The following IL1RAPL2 variants were observed in gnomAD, a reference collection of about 807,000 sequenced individuals.
IL1RAPL2 encodes the protein interleukin 1 receptor accessory protein like 2.
Under a neutral mutation model 44.1 loss-of-function variants are expected in IL1RAPL2, and 3 were observed. The observed-to-expected ratio is 0.07, with a 90% CI of 0.03 to 0.18. The LOEUF is 0.18. Ranked by LOEUF, IL1RAPL2 falls within the 10% of genes least tolerant of loss-of-function variation. IL1RAPL2 has a pLI of 1.00. For synonymous variants in IL1RAPL2, 181 were observed against 178.8 expected, an observed-to-expected ratio of 1.01 and a Z score of -0.10; for missense variants, 391 against 496.4, an observed-to-expected ratio of 0.79 and a Z score of 2.02.
intron 2 of IL1RAPL2, among the ~76,000 whole-genome samples, chrX:104,706,758 A>G (rs1187989682): frequency 8.9e-6 from 1 of 111,812 alleles, no homozygotes; most frequent in Non-Finnish European, 1.9e-5. Context: ...CCCTGCTGGA[A>G]GCTTAGGCAG....
rs187647806 is a variant in IL1RAPL2 at position 104,946,027 on chromosome X, T to A, written c.83-249448T>A. Among the ~76,000 whole-genome samples, 157 of 110,707 alleles carry A rather than the reference T, an allele frequency of 1.4e-3. 2 individuals carry two copies. Among genetic ancestry groups the A allele is most frequent in the African/African-American group, 4.9e-3 (150 of 30,459 alleles). ...CATAAGATGGATGGTGATTTAATATTTTTTTACAAAGTCCAAATTATCATT... is the reference window on the plus strand; with the variant it reads ...CATAAGATGGATGGTGATTTAATATATTTTTACAAAGTCCAAATTATCATT... On this transcript the variant is annotated intron_variant, in intron 2 of 10. Transcript: ENST00000372582.
At chrX:105,235,419 A>G (rs2034111757) in intron 4 of IL1RAPL2, among the ~76,000 whole-genome samples, 1 of 111,463 alleles carries the variant, frequency 9.0e-6, no homozygotes, top group Non-Finnish European at 1.9e-5. Context: ...GTTGGAACCA[A>G]ACACACATAA....
intron 2 of IL1RAPL2, among the ~76,000 whole-genome samples, chrX:104,851,043 G>T (rs1602759091): frequency 9.0e-6 from 1 of 111,002 alleles, no homozygotes; most frequent in East Asian, 2.8e-4. Context: ...TGAGACCAGA[G>T]AAAATCTTAT....
chrX:104,847,793 A>T lies in IL1RAPL2; in HGVS notation c.82+188798A>T, dbSNP rs760007677. Among the ~76,000 whole-genome samples the T allele has an allele frequency of 3.6e-5, 4 of 111,705 alleles. No homozygotes were observed. The South Asian group carries it at 1.5e-3, about 42-fold the overall frequency. On this transcript the variant is annotated intron_variant, in intron 2 of 10. Coordinates refer to ENST00000372582, the MANE Select transcript of IL1RAPL2 (RefSeq NM_017416.2). The stretch of plus-strand genomic sequence containing the variant: ...ATAAATTAGCTTGGGCAGTATTGCC[A>T]TTTTCACGATGTTGATTCTTCCTAT...
At chrX:105,308,646 T>C (rs933053881) in intron 5 of IL1RAPL2, among the ~76,000 whole-genome samples, 2 of 112,633 alleles carry the variant, frequency 1.8e-5, no homozygotes, top group African/African-American at 6.4e-5. Context: ...ATTCATGTTA[T>C]TGCATGTGTC....
chrX:105,409,948 T>A (rs193239655), intron 5 of IL1RAPL2, among the ~76,000 whole-genome samples: 29 of 108,608 alleles, frequency 2.7e-4, no homozygotes, highest in East Asian at 1.2e-3. Flanking sequence ...AGATTTAGAG[T>A]CAACAGCACC....
At position 105,646,032 on chromosome X, in the gene IL1RAPL2, A is replaced by G. The variant is rs139434282; in HGVS notation, c.773-71335A>G. Among the ~76,000 whole-genome samples, 196 of 110,964 alleles carry G rather than the reference A, an allele frequency of 1.8e-3. 1 individual carries two copies. In the East Asian group the frequency reaches 0.043, roughly 24 times the overall value. ...TTTTCCTATCATGCCCATGACATGG[A>G]CCTGATCCCATACTCGGTACCCAGA... is the stretch of plus-strand genomic sequence containing the variant. On this transcript the variant is annotated intron_variant, in intron 6 of 10. Coordinates refer to ENST00000372582, the MANE Select transcript of IL1RAPL2 (RefSeq NM_017416.2).
intron 2 of IL1RAPL2, among the ~76,000 whole-genome samples, chrX:104,660,102 C>G (rs1930360996): frequency 1.8e-5 from 2 of 111,462 alleles, no homozygotes; most frequent in Admixed American, 1.9e-4. Context: ...TTTTTCTCTT[C>G]TTATAGATTC....
chrX:105,097,419 C>T (rs2032620363), intron 2 of IL1RAPL2, among the ~76,000 whole-genome samples: 1 of 106,502 alleles, frequency 9.4e-6, no homozygotes, highest in African/African-American at 3.5e-5. Context: ...TGAACCTTTT[C>T]TTCTTTCTTT....
intron 5 of IL1RAPL2, among the ~76,000 whole-genome samples, chrX:105,330,562 A>G (rs1279570404): frequency 1.8e-5 from 2 of 111,507 alleles, no homozygotes; most frequent in African/African-American, 3.3e-5. Context: ...GTCCAGAACA[A>G]AATTCACCAT....
chrX:105,226,312 T>C (rs1166624121), intron 3 of IL1RAPL2, among the ~76,000 whole-genome samples: 2 of 108,984 alleles, frequency 1.8e-5, no homozygotes, highest in African/African-American at 6.7e-5. Context: ...CCAGCTTCCA[T>C]GAAACTGGCA....
intron 5 of IL1RAPL2, among the ~76,000 whole-genome samples, chrX:105,418,284 T>C (rs780693153): frequency 3.9e-4 from 43 of 110,653 alleles, no homozygotes; most frequent in Non-Finnish European, 6.8e-4. Flanking sequence ...CTAAAAGAAG[T>C]GGGAAAAAAA....
intron 2 of IL1RAPL2, among the ~76,000 whole-genome samples, chrX:105,040,385 G>T (rs1011356850): frequency 4.5e-5 from 5 of 111,496 alleles, no homozygotes; most frequent in African/African-American, 1.6e-4. Flanking sequence ...TGAGGATGAT[G>T]CTGGCCTCAT....
At chrX:105,228,687 G>A (rs1190044589) in intron 3 of IL1RAPL2, among the ~76,000 whole-genome samples, 1 of 112,207 alleles carries the variant, frequency 8.9e-6, no homozygotes, top group Non-Finnish European at 1.9e-5. Flanking sequence ...TTACACATCT[G>A]CTCTTCTTTC....
chrX:105,481,525 A>G (rs967128173), intron 5 of IL1RAPL2, among the ~76,000 whole-genome samples: 12 of 112,488 alleles, frequency 1.1e-4, no homozygotes, highest in Non-Finnish European at 2.1e-4. Flanking sequence ...AGGGGAAAAC[A>G]ATGACCCCAA....
intron 2 of IL1RAPL2, among the ~76,000 whole-genome samples, chrX:104,710,070 G>A (rs1250390222): frequency 9.0e-6 from 1 of 111,355 alleles, no homozygotes; most frequent in Non-Finnish European, 1.9e-5. Context: ...GTGGAAAGCA[G>A]TTTGGCAGTT....
At chrX:104,903,939 TC>T (rs1030393128) in intron 2 of IL1RAPL2, among the ~76,000 whole-genome samples, 3 of 111,533 alleles carry the variant, frequency 2.7e-5, no homozygotes, top group Non-Finnish European at 5.6e-5. Flanking sequence ...AGTGTTCTGT[TC>T]CAGGTCATAC....
At chrX:105,259,034 G>T (rs752042165) in intron 4 of IL1RAPL2, among the ~76,000 whole-genome samples, 2 of 111,883 alleles carry the variant, frequency 1.8e-5, no homozygotes, top group Non-Finnish European at 3.8e-5. Context: ...TCTTGCGTTG[G>T]TTCTTTCTCA....
chrX:105,264,977 C>A (rs1244072805), intron 4 of IL1RAPL2, among the ~76,000 whole-genome samples: 1 of 112,085 alleles, frequency 8.9e-6, no homozygotes, highest in African/African-American at 3.2e-5. Flanking sequence ...AGGGCTATCT[C>A]GATCATTCCC....
Sources: allele counts gnomAD v4.1 joint callset (sites outside exome capture counted in the v4.1 genomes callset), GRCh38; gene constraint gnomAD v4.1.1; transcripts MANE v1.5; gene names NCBI Gene and HGNC (gene_info 2026-07-23, HGNC 2026-07-21).